The following SLC6A14 variants were observed in gnomAD, a reference collection of about 807,000 sequenced individuals.
The protein encoded by SLC6A14 is solute carrier family 6 member 14.
Under a neutral mutation model 51.4 loss-of-function variants are expected in SLC6A14, and 21 were observed. The ratio of observed to expected loss-of-function variants is 0.41; its 90% CI spans 0.29 to 0.59. SLC6A14 has a LOEUF of 0.59. Among genes scored for constraint, SLC6A14 ranks in the 20% least tolerant of loss-of-function variants. The pLI, the probability that SLC6A14 is intolerant of heterozygous loss-of-function variation, is 0.31. For missense variants in SLC6A14, 371 were observed against 472.8 expected, an observed-to-expected ratio of 0.78 and a Z score of 2.00; for synonymous variants, 177 against 160.7, an observed-to-expected ratio of 1.10 and a Z score of -0.77.
In SLC6A14 at chrX:116,442,674, C is replaced by CT. The variant is rs781804835; in HGVS notation, c.347-5dup. Reference sequence around the variant, plus strand: ...GAGTTTGGTTTTTATTTTAATTGTTCTTTTTTTTCCAGGTGTGGGAATTAC... The same window carrying CT: ...GAGTTTGGTTTTTATTTTAATTGTTCTTTTTTTTTCCAGGTGTGGGAATTAC... On this transcript the variant is annotated splice_polypyrimidine_tract_variant and intron_variant, in intron 3 of 13. Transcript: ENST00000598581. The CT allele has an allele frequency of 2.5e-5, 27 of 1,072,283 alleles. No individual in the cohort carries two copies. The highest frequency in any genetic ancestry group is 3.0e-4 in the Middle Eastern group (1 of 3,370). The allele number at this position is 1,072,283 out of a possible 1,213,427, so 88.4% of individuals were successfully genotyped here.
rs912739543 is a variant in SLC6A14 at position 116,460,356 on chromosome X, G to A, written c.*1401G>A. On this transcript the variant is annotated 3_prime_UTR_variant, in exon 14 of 14. Coordinates refer to ENST00000598581, the MANE Select transcript of SLC6A14 (RefSeq NM_007231.5). ...TAATTTTTCTTACACATTTTAAAAC[G>A]TTTTCTCTTCCTTGTGATTGAAGAT... 3 of 110,377 alleles carry A rather than the reference G, an allele frequency of 2.7e-5. No individual in the cohort carries two copies. Among genetic ancestry groups the A allele is most frequent in the Non-Finnish European group, 5.7e-5 (3 of 52,882 alleles). 9.1% of individuals were successfully genotyped at this position (110,377 alleles called of 1,213,427 possible).
intron 7 of SLC6A14, among the ~76,000 whole-genome samples, chrX:116,447,896 C>T (rs1335517520): frequency 9.0e-6 from 1 of 111,523 alleles, no homozygotes; most frequent in Admixed American, 9.5e-5. Flanking sequence ...CGCACCTGGC[C>T]CTTTCACTTT....
In SLC6A14 at chrX:116,446,755, A is replaced by G. The variant is rs183773082; in HGVS notation, c.804A>G (p.Thr268=). Residue 268 remains threonine (T), a synonymous_variant, in exon 7 of 14, where the codon ACA becomes ACG. Transcript: ENST00000598581. Reference sequence around the variant, plus strand: ...TTTCTTGGTAGGTGGTATATTTTACAGCTCTTTTCCCCTATGTGGTCCTAC... The same window carrying G: ...TTTCTTGGTAGGTGGTATATTTTACGGCTCTTTTCCCCTATGTGGTCCTAC... The part of the protein sequence containing the change: ...IKSSGKVVYF[T]ALFPYVVLLI... 121 of 1,199,951 alleles carry G rather than the reference A, an allele frequency of 1.0e-4. No homozygotes were observed. In the East Asian group the frequency reaches 3.3e-3, roughly 33 times the overall value.
chrX:116,442,152 A>G (rs1927611391), intron 3 of SLC6A14, among the ~76,000 whole-genome samples: 1 of 112,290 alleles, frequency 8.9e-6, no homozygotes, highest in Non-Finnish European at 1.9e-5. Context: ...CTAATCAACT[A>G]AGAAACTGCA....
Position 116,445,056 on chromosome X carries a change from T to C in SLC6A14, c.789+6T>C, listed in dbSNP as rs782718141. On this transcript the variant is annotated splice_donor_region_variant and intron_variant, in intron 6 of 13. Transcript: ENST00000598581. Reference sequence around the variant, plus strand: ...GAATCAAATCGTCTGGCAAGGTAACTTGAAAAACACATTAGATAGCGATAT... The same window carrying C: ...GAATCAAATCGTCTGGCAAGGTAACCTGAAAAACACATTAGATAGCGATAT... 9 of 1,179,389 alleles carry C rather than the reference T, an allele frequency of 7.6e-6. No homozygotes were observed. The highest frequency in any genetic ancestry group is 1.0e-5 in the Non-Finnish European group (9 of 880,790).
At chrX:116,442,290 GAGTC>G (rs1306200934) in intron 3 of SLC6A14, among the ~76,000 whole-genome samples, 1 of 112,216 alleles carries the variant, frequency 8.9e-6, no homozygotes, top group Non-Finnish European at 1.9e-5. Context: ...TTTAGAGACA[GAGTC>G]TCACTCTGAT....
chrX:116,453,081 G>C lies in SLC6A14; in HGVS notation c.1224G>C (p.Trp408Cys). The C allele has an allele frequency of 8.3e-7, 1 of 1,202,220 alleles. No homozygotes were observed. ...ALAQLPGGPF[W>C]SILFFFMLLT... ...CCCAACTCCCAGGTGGTCCATTTTG[G>C]TCCATATTATTTTTTTTCATGCTTT... The change falls in exon 9 of 14, where the codon TGG becomes TGC. Residue 408 changes from tryptophan to cysteine, a missense_variant. By Grantham distance (215) the Trp-to-Cys change is radical (BLOSUM62 -2). Around this residue, in one of 2 missense-constraint regions of SLC6A14, gnomAD observed 277 missense variants for 391.8 expected, o/e 0.71. Coordinates refer to ENST00000598581, the MANE Select transcript of SLC6A14 (RefSeq NM_007231.5).
At chrX:116,450,535 G>A in intron 7 of SLC6A14, among the ~76,000 whole-genome samples, 1 of 111,599 alleles carries the variant, frequency 9.0e-6, no homozygotes, top group Admixed American at 9.5e-5. Flanking sequence ...CTACATATGG[G>A]GAATGTACAA....
intron 6 of SLC6A14, among the ~76,000 whole-genome samples, chrX:116,445,455 T>A: frequency 2.0e-5 from 1 of 50,339 alleles, no homozygotes; most frequent in African/African-American, 9.4e-5. Flanking sequence ...AATCCCCTAG[T>A]CGGAGAGAGA....
In SLC6A14 at chrX:116,451,012, T is replaced by C. The variant is rs782799532; in HGVS notation, c.931-430T>C. On this transcript the variant is annotated intron_variant, in intron 7 of 13. Transcript: ENST00000598581. ...ACTACATATATTTAATTTAACCAAATAAATTTGCTTATATTCTTTCACTTT... is the reference window on the plus strand; with the variant it reads ...ACTACATATATTTAATTTAACCAAACAAATTTGCTTATATTCTTTCACTTT... 2.7e-5 allele frequency among the ~76,000 whole-genome samples: 3 copies of C among 112,608 alleles called. No individual in the cohort carries two copies. The South Asian group carries it at 1.1e-3, about 41-fold the overall frequency.
intron 7 of SLC6A14, among the ~76,000 whole-genome samples, 184 bp from the exon 8 acceptor site, chrX:116,451,258 T>C (rs1442391883): frequency 1.8e-5 from 2 of 110,836 alleles, no homozygotes; most frequent in East Asian, 2.8e-4. Flanking sequence ...AGGGTGACAA[T>C]GATGAGGGAG....
rs781961871 is a variant in SLC6A14, at chrX:116,440,955, A to T, written c.215-11A>T. 3.3e-6 allele frequency: 4 copies of T among 1,206,660 alleles called. No individual in the cohort carries two copies. Among genetic ancestry groups the T allele is most frequent in the Admixed American group, 2.2e-5 (1 of 45,424 alleles). On this transcript the variant is annotated splice_polypyrimidine_tract_variant and intron_variant, in intron 2 of 13. Coordinates refer to ENST00000598581, the MANE Select transcript of SLC6A14 (RefSeq NM_007231.5). The stretch of plus-strand genomic sequence containing the variant: ...TGTAATAGTGCTTTGGTTCTTTCTC[A>T]CCTTTTTTAGGCGCCTTCTTGATAC...
At position 116,453,056 on chromosome X, in the gene SLC6A14, C is replaced by T. The variant is rs782688130; in HGVS notation, c.1199C>T (p.Ala400Val). ...LAFIAYPEAL[A>V]QLPGGPFWSI... ...TTCATTGCCTATCCAGAGGCTCTAGCCCAACTCCCAGGTGGTCCATTTTGG... is the reference window on the plus strand; with the variant it reads ...TTCATTGCCTATCCAGAGGCTCTAGTCCAACTCCCAGGTGGTCCATTTTGG... Residue 400 changes from alanine to valine, a missense_variant, in exon 9 of 14, where the codon GCC becomes GTC. Ala to Val is a moderately conservative substitution (Grantham distance 64). Coordinates refer to ENST00000598581, the MANE Select transcript of SLC6A14 (RefSeq NM_007231.5). 1.1e-5 allele frequency: 13 copies of T among 1,196,194 alleles called. 1 individual carries two copies. The East Asian group carries it at 1.5e-4, about 14-fold the overall frequency.
chrX:116,442,190 T>C (rs782357376), intron 3 of SLC6A14, among the ~76,000 whole-genome samples: 1 of 112,126 alleles, frequency 8.9e-6, no homozygotes, highest in Admixed American at 9.5e-5. Context: ...AAATTAAATT[T>C]AAATTTAGAA....
At position 116,446,756 on chromosome X, in the gene SLC6A14, G is replaced by C. The variant is rs782093103; in HGVS notation, c.805G>C (p.Ala269Pro). Residue 269 changes from alanine (A) to proline (P), a missense_variant, in exon 7 of 14, where the codon GCT becomes CCT. This residue lies in a region of SLC6A14 where 277 missense variants were observed against 391.8 expected (regional missense o/e 0.71). Transcript: ENST00000598581. ...KSSGKVVYFT[A>P]LFPYVVLLIL... ...TTCTTGGTAGGTGGTATATTTTACA[G>C]CTCTTTTCCCCTATGTGGTCCTACT... 8.3e-7 allele frequency: 1 copy of C among 1,201,955 alleles called. No individual in the cohort carries two copies. Among genetic ancestry groups the C allele is most frequent in the South Asian group, 1.8e-5 (1 of 56,025 alleles).
chrX:116,458,828 G>A lies in SLC6A14; in HGVS notation c.1802G>A (p.Arg601Lys). 1 of 1,191,582 alleles carries A rather than the reference G, an allele frequency of 8.4e-7. No homozygotes were observed. Among genetic ancestry groups the A allele is most frequent in the Non-Finnish European group, 1.1e-6 (1 of 886,851 alleles). Residue 601 changes from arginine (R) to lysine (K), a missense_variant, in exon 14 of 14, where the codon AGA (arginine) becomes AAA (lysine). By Grantham distance (26) the Arg-to-Lys change is conservative (BLOSUM62 2). This residue lies in a region of SLC6A14 where 94 missense variants were observed against 81.0 expected (regional missense o/e 1.16). Coordinates refer to ENST00000598581, the MANE Select transcript of SLC6A14 (RefSeq NM_007231.5). ...TTTCAGCGCCTTATAAGTTGCTGCAGACCAGCTTCTAACTGGGGTCCATAC... is the reference window on the plus strand; with the variant it reads ...TTTCAGCGCCTTATAAGTTGCTGCAAACCAGCTTCTAACTGGGGTCCATAC... ...NIFQRLISCCRPASNWGPYLE... is the reference protein window; with the variant it reads ...NIFQRLISCCKPASNWGPYLE...
chrX:116,436,648 A>G lies in SLC6A14; in HGVS notation c.-62A>G. On this transcript the variant is annotated 5_prime_UTR_variant, in exon 1 of 14. Transcript: ENST00000598581. ...AGGAACAGGGGAGAGTGCACCTGCT[A>G]CCAGTCAAGCTCAGCCAGACTGCAA... 1.8e-6 allele frequency: 2 copies of G among 1,105,853 alleles called. No individual in the cohort carries two copies. The highest frequency in any genetic ancestry group is 3.6e-5 in the African/African-American group (2 of 55,145). The allele number at this position is 1,105,853 out of a possible 1,213,427, so 91.1% of individuals were successfully genotyped here. A position where few individuals can be genotyped will look rare whatever the true frequency, so the allele number is the denominator to read the frequency against.
At chrX:116,452,781 C>T (rs1375918969) in intron 8 of SLC6A14, among the ~76,000 whole-genome samples, 1 of 110,900 alleles carries the variant, frequency 9.0e-6, no homozygotes, top group Non-Finnish European at 1.9e-5. Flanking sequence ...AGAAATGTAC[C>T]ATTTACATTA....
Position 116,460,443 on chromosome X carries a change from G to A in SLC6A14, c.*1488G>A, listed in dbSNP as rs1376729950. ...TACTGGTAACTTATTTAGGGGGGAG[G>A]GGACATGAAGGTAGGTAAATAGGTA... On this transcript the variant is annotated 3_prime_UTR_variant, in exon 14 of 14. Coordinates refer to ENST00000598581, the MANE Select transcript of SLC6A14 (RefSeq NM_007231.5). The A allele has an allele frequency of 9.0e-6, 1 of 110,736 alleles. No homozygotes were observed. The highest frequency in any genetic ancestry group is 1.9e-5 in the Non-Finnish European group (1 of 52,908). The allele number at this position is 110,736 out of a possible 1,213,427, so 9.1% of individuals were successfully genotyped here. A position where few individuals can be genotyped will look rare whatever the true frequency, so the allele number is the denominator to read the frequency against.
Sources: gnomAD v4.1 joint callset for allele counts (sites outside exome capture counted in the v4.1 genomes callset) on GRCh38, gnomAD v4.1.1 for gene constraint, gnomAD v4.1.1 regional missense constraint, MANE v1.5 for transcripts, NCBI Gene and HGNC (gene_info 2026-07-23, HGNC 2026-07-21) for gene names.